OR5AK2: variants seen among roughly 807,000 people sequenced by gnomAD.
The protein encoded by OR5AK2 is olfactory receptor family 5 subfamily AK member 2, also known as olfactory receptor 5AK2.
For missense variants in OR5AK2, 438 were observed against 366.3 expected (o/e 1.20, Z -1.60); for synonymous variants, 176 against 128.2 (o/e 1.37, Z -2.52).
In OR5AK2 at chr11:56,989,749, G is replaced by A. The variant is rs1267920641; in HGVS notation, c.836G>A (p.Gly279Asp). ...ATGAAAGTGGCCTTTATATTTTATG[G>A]CACAGTTATTCCCATGTTAAATCCT... Reference protein sequence around the residue: ...ENMKVAFIFYGTVIPMLNPLI... With the variant: ...ENMKVAFIFYDTVIPMLNPLI... The change falls in exon 1 of 1, where the codon GGC (glycine) becomes GAC (aspartate). Residue 279 changes from glycine to aspartate, a missense_variant. By Grantham distance (94) the Gly-to-Asp change is moderately conservative (BLOSUM62 -1). Coordinates refer to ENST00000326855, the MANE Select transcript of OR5AK2 (RefSeq NM_001005323.1). The A allele has an allele frequency of 6.2e-7, 1 of 1,612,448 alleles. No individual in the cohort carries two copies. Among genetic ancestry groups the A allele is most frequent in the African/African-American group, 1.3e-5 (1 of 74,986 alleles).
rs767925556 is a variant in OR5AK2, at chr11:56,989,414, C to T, written c.501C>T (p.Ser167=). The part of the protein sequence containing the change: ...SVQTGFTCSL[S]FCKSNSINHF... The stretch of plus-strand genomic sequence containing the variant: ...AAACAGGTTTTACATGTTCACTGTC[C>T]TTCTGCAAGTCCAATAGCATCAATC... Residue 167 remains serine (S), a synonymous_variant, in exon 1 of 1, where the codon TCC becomes TCT. Coordinates refer to ENST00000326855, the MANE Select transcript of OR5AK2 (RefSeq NM_001005323.1). The T allele has an allele frequency of 1.2e-6, 2 of 1,614,122 alleles. No homozygotes were observed. Among genetic ancestry groups the T allele is most frequent in the South Asian group, 1.1e-5 (1 of 91,078 alleles).
chr11:56,989,777 A>T lies in OR5AK2; in HGVS notation c.864A>T (p.Leu288Phe), dbSNP rs767694663. ...CAGTTATTCCCATGTTAAATCCTTT[A>T]ATCTATAGCTTGAGAAATAAGGAAG... The part of the protein sequence containing the change: ...YGTVIPMLNP[L>F]IYSLRNKEVK... Residue 288 changes from leucine to phenylalanine, a missense_variant, in exon 1 of 1, where the codon TTA becomes TTT. Transcript: ENST00000326855. The T allele has an allele frequency of 1.9e-6, 3 of 1,610,156 alleles. No homozygotes were observed. Among genetic ancestry groups the T allele is most frequent in the Non-Finnish European group, 2.5e-6 (3 of 1,177,896 alleles).
chr11:56,989,651 C>A lies in OR5AK2; in HGVS notation c.738C>A (p.Thr246=). 2 of 1,613,958 alleles carry A rather than the reference C, an allele frequency of 1.2e-6. No homozygotes were observed. The highest frequency in any genetic ancestry group is 1.7e-6 in the Non-Finnish European group (2 of 1,179,920). ...TCTCAACATGTGCTTCCCACCTGAC[C>A]GCAGTCACCATTTTCTATGGGACAC... ...KSFSTCASHL[T]AVTIFYGTLS... Residue 246 remains threonine (T), a synonymous_variant, in exon 1 of 1, where the codon ACC becomes ACA. Transcript: ENST00000326855.
rs777389980 is a variant in OR5AK2 at position 56,989,637 on chromosome 11, G to A, written c.724G>A (p.Ala242Thr). Residue 242 changes from alanine (A) to threonine (T), a missense_variant, in exon 1 of 1, where the codon GCT becomes ACT. By Grantham distance (58) the Ala-to-Thr change is moderately conservative. Coordinates refer to ENST00000326855, the MANE Select transcript of OR5AK2 (RefSeq NM_001005323.1). The stretch of plus-strand genomic sequence containing the variant: ...AAGGAAAAAATCCTTCTCAACATGT[G>A]CTTCCCACCTGACCGCAGTCACCAT... ...AGRKKSFSTC[A>T]SHLTAVTIFY... The A allele has an allele frequency of 3.7e-6, 6 of 1,613,978 alleles. No homozygotes were observed. Among genetic ancestry groups the A allele is most frequent in the South Asian group, 2.2e-5 (2 of 91,076 alleles).
Position 56,989,090 on chromosome 11 carries a change from G to C in OR5AK2, c.177G>C (p.Thr59=), listed in dbSNP as rs62001001. The C allele has an allele frequency of 1.2e-6, 2 of 1,613,888 alleles. No individual in the cohort carries two copies. Among genetic ancestry groups the C allele is most frequent in the Admixed American group, 1.7e-5 (1 of 60,016 alleles). The part of the protein sequence containing the change: ...INTDSRFQTL[T]YFFLQHLAFV... ...CAGATTCCAGATTTCAAACACTCAC[G>C]TACTTTTTTCTACAACATTTGGCTT... The change falls in exon 1 of 1, where the codon ACG becomes ACC. Residue 59 remains threonine (T), a synonymous_variant. Transcript: ENST00000326855.
At position 56,989,804 on chromosome 11, in the gene OR5AK2, A is replaced by C; in HGVS notation, c.891A>C (p.Val297=). ...PLIYSLRNKE[V]KEALKVIGKK... ...TCTATAGCTTGAGAAATAAGGAAGT[A>C]AAAGAAGCTTTAAAAGTGATAGGGA... The change falls in exon 1 of 1, where the codon GTA becomes GTC. Residue 297 remains valine (V), a synonymous_variant. Transcript: ENST00000326855. 6.2e-7 allele frequency: 1 copy of C among 1,603,926 alleles called. No individual in the cohort carries two copies.
Position 56,989,030 on chromosome 11 carries a change from A to G in OR5AK2, c.117A>G (p.Ile39Met), listed in dbSNP as rs1471551552. ...IVFLLIYVTS[I>M]MGNSGIILLI... ...TCCTTCTCATCTATGTGACCTCCAT[A>G]ATGGGTAATAGTGGAATAATCTTAC... Residue 39 changes from isoleucine (I) to methionine (M), a missense_variant, in exon 1 of 1, where the codon ATA becomes ATG. Transcript: ENST00000326855. 1 of 1,612,792 alleles carries G rather than the reference A, an allele frequency of 6.2e-7. No individual in the cohort carries two copies. The highest frequency in any genetic ancestry group is 1.7e-5 in the Admixed American group (1 of 60,008).
chr11:56,988,995 T>C lies in OR5AK2; in HGVS notation c.82T>C (p.Phe28Leu). Reference protein sequence around the residue: ...GAQHEFWCILFIVFLLIYVTS... With the variant: ...GAQHEFWCILLIVFLLIYVTS... ...CCAGCATGAGTTTTGGTGTATCCTC[T>C]TCATTGTATTCCTTCTCATCTATGT... is the stretch of plus-strand genomic sequence containing the variant. The change falls in exon 1 of 1, where the codon TTC becomes CTC. Residue 28 changes from phenylalanine to leucine, a missense_variant. Transcript: ENST00000326855. 6.2e-7 allele frequency: 1 copy of C among 1,613,654 alleles called. No individual in the cohort carries two copies. Among genetic ancestry groups the C allele is most frequent in the Non-Finnish European group, 8.5e-7 (1 of 1,179,588 alleles).
In OR5AK2 at chr11:56,989,462, T is replaced by C; in HGVS notation, c.549T>C (p.Pro183=). ...ATCACTTTTTCTGTGATGTTCCCCC[T>C]ATTCTTGCTCTTTCATGCTCCAATG... The part of the protein sequence containing the change: ...SINHFFCDVP[P]ILALSCSNVD... Residue 183 remains proline, a synonymous_variant, in exon 1 of 1, where the codon CCT becomes CCC. Coordinates refer to ENST00000326855, the MANE Select transcript of OR5AK2 (RefSeq NM_001005323.1). 6.2e-7 allele frequency: 1 copy of C among 1,614,094 alleles called. No individual in the cohort carries two copies. Among genetic ancestry groups the C allele is most frequent in the Non-Finnish European group, 8.5e-7 (1 of 1,179,928 alleles).
rs200727671 is a variant in OR5AK2 at position 56,989,341 on chromosome 11, G to A, written c.428G>A (p.Arg143His). Reference protein sequence around the residue: ...TVIMSRTVCIRLVAGSYIMGS... With the variant: ...TVIMSRTVCIHLVAGSYIMGS... ...ATCATGTCCCGAACAGTCTGCATCC[G>A]TTTGGTAGCTGGTTCATACATCATG... The change falls in exon 1 of 1, where the codon CGT (arginine) becomes CAT (histidine). Residue 143 changes from arginine to histidine, a missense_variant. Arg to His is a conservative substitution (Grantham distance 29). Coordinates refer to ENST00000326855, the MANE Select transcript of OR5AK2 (RefSeq NM_001005323.1). 103 of 1,613,944 alleles carry A rather than the reference G, an allele frequency of 6.4e-5. No homozygotes were observed. Among genetic ancestry groups the A allele is most frequent in the South Asian group, 2.9e-4 (26 of 91,066 alleles).
At position 56,989,410 on chromosome 11, in the gene OR5AK2, T is replaced by A; in HGVS notation, c.497T>A (p.Leu166Gln). The change falls in exon 1 of 1, where the codon CTG becomes CAG. Residue 166 changes from leucine (L) to glutamine (Q), a missense_variant. Leu to Gln is a moderately radical substitution (Grantham distance 113). Coordinates refer to ENST00000326855, the MANE Select transcript of OR5AK2 (RefSeq NM_001005323.1). The stretch of plus-strand genomic sequence containing the variant: ...GTACAAACAGGTTTTACATGTTCAC[T>A]GTCCTTCTGCAAGTCCAATAGCATC... ...ASVQTGFTCSLSFCKSNSINH... is the reference protein window; with the variant it reads ...ASVQTGFTCSQSFCKSNSINH... 6.2e-7 allele frequency: 1 copy of A among 1,614,204 alleles called. No homozygotes were observed. Among genetic ancestry groups the A allele is most frequent in the African/African-American group, 1.3e-5 (1 of 75,076 alleles).
rs1045585272 is a variant in OR5AK2 at position 56,989,060 on chromosome 11, C to T, written c.147C>T (p.Ile49=). 6.2e-7 allele frequency: 1 copy of T among 1,613,884 alleles called. No individual in the cohort carries two copies. The highest frequency in any genetic ancestry group is 8.5e-7 in the Non-Finnish European group (1 of 1,179,810). Residue 49 remains isoleucine (I), a synonymous_variant, in exon 1 of 1, where the codon ATC becomes ATT. Coordinates refer to ENST00000326855, the MANE Select transcript of OR5AK2 (RefSeq NM_001005323.1). The stretch of plus-strand genomic sequence containing the variant: ...GTAATAGTGGAATAATCTTACTCAT[C>T]AACACAGATTCCAGATTTCAAACAC... ...IMGNSGIILL[I]NTDSRFQTLT...
Position 56,989,297 on chromosome 11 carries a change from GC to G in OR5AK2, c.388del (p.Leu130PhefsTer5). 2.5e-6 allele frequency: 4 copies of G among 1,614,072 alleles called. No individual in the cohort carries two copies. Among genetic ancestry groups the G allele is most frequent in the Non-Finnish European group, 3.4e-6 (4 of 1,179,996 alleles). ...AVDPYVAICK[P>X]LHYTVIMSRT... is the part of the protein sequence containing the mutation. ...TGGATCCTTATGTTGCCATCTGTAA[GC>G]CCCTTCACTATACTGTAATCATGTC... is the stretch of plus-strand genomic sequence containing the variant. On this transcript the variant is annotated frameshift_variant, in exon 1 of 1. Transcript: ENST00000326855. LOFTEE classifies it low-confidence loss of function (END_TRUNC).
Position 56,989,353 on chromosome 11 carries a change from G to A in OR5AK2, c.440G>A (p.Gly147Asp). 2.5e-6 allele frequency: 4 copies of A among 1,614,056 alleles called. No homozygotes were observed. The highest frequency in any genetic ancestry group is 3.4e-6 in the Non-Finnish European group (4 of 1,179,980). ...ACAGTCTGCATCCGTTTGGTAGCTG[G>A]TTCATACATCATGGGCTCAATAAAT... The part of the protein sequence containing the change: ...SRTVCIRLVA[G>D]SYIMGSINAS... The change falls in exon 1 of 1, where the codon GGT becomes GAT. Residue 147 changes from glycine to aspartate, a missense_variant. Transcript: ENST00000326855.
chr11:56,989,686 T>G lies in OR5AK2; in HGVS notation c.773T>G (p.Met258Arg). 6.2e-7 allele frequency: 1 copy of G among 1,614,086 alleles called. No homozygotes were observed. The highest frequency in any genetic ancestry group is 1.1e-5 in the South Asian group (1 of 91,080). ...VTIFYGTLSY[M>R]YLQSHSNNSQ... ...ATTTTCTATGGGACACTCTCTTACA[T>G]GTATTTGCAGTCTCATTCTAATAAT... Residue 258 changes from methionine (M) to arginine (R), a missense_variant, in exon 1 of 1, where the codon ATG becomes AGG. Coordinates refer to ENST00000326855, the MANE Select transcript of OR5AK2 (RefSeq NM_001005323.1).
At position 56,989,534 on chromosome 11, in the gene OR5AK2, GA is replaced by G; in HGVS notation, c.622del (p.Ile208TyrfsTer19). On this transcript the variant is annotated frameshift_variant, in exon 1 of 1. Transcript: ENST00000326855. LOFTEE classifies it low-confidence loss of function (END_TRUNC). ...TTGTTGTCTTTGTGGGATCTAACTT[GA>G]TATTCACTGGGTTGGTCGTCATCTT... ...LLVVFVGSNLIFTGLVVIFSY... is the reference protein window; with the variant it reads ...LLVVFVGSNLXFTGLVVIFSY... 6.2e-7 allele frequency: 1 copy of G among 1,614,100 alleles called. No individual in the cohort carries two copies. The highest frequency in any genetic ancestry group is 8.5e-7 in the Non-Finnish European group (1 of 1,179,984).
In OR5AK2 at chr11:56,989,305, A is replaced by G; in HGVS notation, c.392A>G (p.His131Arg). Reference protein sequence around the residue: ...DPYVAICKPLHYTVIMSRTVC... With the variant: ...DPYVAICKPLRYTVIMSRTVC... ...TATGTTGCCATCTGTAAGCCCCTTC[A>G]CTATACTGTAATCATGTCCCGAACA... Residue 131 changes from histidine (H) to arginine (R), a missense_variant, in exon 1 of 1, where the codon CAC becomes CGC. By Grantham distance (29) the His-to-Arg change is conservative. Coordinates refer to ENST00000326855, the MANE Select transcript of OR5AK2 (RefSeq NM_001005323.1). 1.9e-6 allele frequency: 3 copies of G among 1,614,122 alleles called. No homozygotes were observed. Among genetic ancestry groups the G allele is most frequent in the South Asian group, 2.2e-5 (2 of 91,072 alleles).
rs199648574 is a variant in OR5AK2, at chr11:56,989,325, C to A, written c.412C>A (p.Arg138=). The change falls in exon 1 of 1, where the codon CGA becomes AGA. Residue 138 remains arginine (R), a synonymous_variant. Coordinates refer to ENST00000326855, the MANE Select transcript of OR5AK2 (RefSeq NM_001005323.1). ...KPLHYTVIMS[R]TVCIRLVAGS... Reference sequence around the variant, plus strand: ...CCTTCACTATACTGTAATCATGTCCCGAACAGTCTGCATCCGTTTGGTAGC... The same window carrying A: ...CCTTCACTATACTGTAATCATGTCCAGAACAGTCTGCATCCGTTTGGTAGC... 2.1e-4 allele frequency: 347 copies of A among 1,614,108 alleles called. 2 individuals carry two copies. In the East Asian group the frequency reaches 7.4e-3, roughly 34 times the overall value.
chr11:56,989,190 T>C lies in OR5AK2; in HGVS notation c.277T>C (p.Leu93=), dbSNP rs780909904. The change falls in exon 1 of 1, where the codon TTA becomes CTA. Residue 93 remains leucine (L), a synonymous_variant. Transcript: ENST00000326855. ...CTTCACAGAAGAAAAGAATTTGATG[T>C]TATTTCAGGGCTGTGTGATACAATT... is the stretch of plus-strand genomic sequence containing the variant. ...QSFTEEKNLM[L]FQGCVIQFLV... The C allele has an allele frequency of 1.9e-6, 3 of 1,614,124 alleles. No individual in the cohort carries two copies. The highest frequency in any genetic ancestry group is 2.5e-6 in the Non-Finnish European group (3 of 1,179,966).
Sources: allele counts gnomAD v4.1 joint callset, GRCh38; gene constraint gnomAD v4.1.1; transcripts MANE v1.5; gene names NCBI Gene and HGNC (gene_info 2026-07-23, HGNC 2026-07-21).